The following RASSF9 variants were observed in gnomAD, a reference collection of about 807,000 sequenced individuals.
RASSF9 encodes ras association domain-containing protein 9.
A neutral mutation model predicts 21.4 loss-of-function variants in RASSF9; 18 were observed. The observed-to-expected ratio is 0.84, with a 90% CI of 0.58 to 1.25. RASSF9 has a LOEUF of 1.25. Among genes scored for constraint, RASSF9 ranks in the 50% most tolerant of loss-of-function variants. The pLI is 0.00. For missense variants in RASSF9, 480 were observed against 503.2 expected, an observed-to-expected ratio of 0.95 and a Z score of 0.44; for synonymous variants, 183 against 179.1, an observed-to-expected ratio of 1.02 and a Z score of -0.18.
At chr12:85,810,885 T>C (rs1879938541) in intron 1 of RASSF9, among the ~76,000 whole-genome samples, 1 of 150,700 alleles carries the variant, frequency 6.6e-6, no homozygotes, top group East Asian at 1.9e-4. Context: ...TGCACATATA[T>C]TGCATGTGTA....
intron 1 of RASSF9, among the ~76,000 whole-genome samples, chr12:85,819,526 A>T (rs1362542252): frequency 2.0e-5 from 3 of 152,234 alleles, no homozygotes; most frequent in African/African-American, 7.2e-5. Flanking sequence ...TAAGTGCTTT[A>T]CATGTTCAAA....
At chr12:85,825,297 C>A (rs1880308003) in intron 1 of RASSF9, among the ~76,000 whole-genome samples, 1 of 152,086 alleles carries the variant, frequency 6.6e-6, no homozygotes, top group African/African-American at 2.4e-5. Context: ...CAGTCAAGTC[C>A]TGGGCTAAGT....
chr12:85,809,262 T>C (rs559221837), intron 1 of RASSF9, among the ~76,000 whole-genome samples: 394 of 152,230 alleles, frequency 2.6e-3, no homozygotes, highest in Admixed American at 4.5e-3. Flanking sequence ...ATATGTGGAT[T>C]AATTTGGAAA....
At chr12:85,835,893 G>C (rs1366036287) in intron 1 of RASSF9, among the ~76,000 whole-genome samples, 1 of 152,114 alleles carries the variant, frequency 6.6e-6, no homozygotes, top group Non-Finnish European at 1.5e-5. Context: ...AGGGGAGAAA[G>C]GAGTCAAATA....
rs909577721 is a variant in RASSF9 at position 85,805,140 on chromosome 12, C to T, written c.870G>A (p.Glu290=). The T allele has an allele frequency of 1.9e-6, 3 of 1,613,916 alleles. No individual in the cohort carries two copies. The highest frequency in any genetic ancestry group is 2.5e-6 in the Non-Finnish European group (3 of 1,179,886). ...TTATATCAATGCAAACACTTTTTAC[C>T]TCTTTTTCTATTTCAGCAGAGAGCT... ...IDKLSAEIEK[E]VKSVCIDINE... The change falls in exon 2 of 2, where the codon GAG becomes GAA. Residue 290 remains glutamate, a synonymous_variant. Transcript: ENST00000361228.
intron 1 of RASSF9, among the ~76,000 whole-genome samples, chr12:85,814,608 G>A (rs1880021475): frequency 6.6e-6 from 1 of 151,754 alleles, no homozygotes; most frequent in Admixed American, 6.6e-5. Flanking sequence ...ATCTCAAGTA[G>A]TCTAAAACAT....
intron 1 of RASSF9, among the ~76,000 whole-genome samples, chr12:85,824,618 C>G (rs1053574131): frequency 1.3e-5 from 2 of 152,104 alleles, no homozygotes; most frequent in Non-Finnish European, 2.9e-5. Flanking sequence ...CTCTGTCTCT[C>G]TTTATCCCAC....
intron 1 of RASSF9, among the ~76,000 whole-genome samples, chr12:85,814,181 C>A (rs1424530746): frequency 2.6e-5 from 4 of 151,994 alleles, no homozygotes; most frequent in African/African-American, 9.7e-5. Context: ...CAAAACTGGT[C>A]TTTGTTTCCT....
chr12:85,826,279 G>A (rs191667840), intron 1 of RASSF9, among the ~76,000 whole-genome samples: 1 of 151,978 alleles, frequency 6.6e-6, no homozygotes, highest in South Asian at 2.1e-4. Context: ...ATCTAGTCAC[G>A]AATGGTTCTT....
chr12:85,836,315 C>A lies in RASSF9; in HGVS notation c.-114G>T. 3.9e-6 allele frequency: 6 copies of A among 1,529,928 alleles called. No homozygotes were observed. The highest frequency in any genetic ancestry group is 5.3e-6 in the Non-Finnish European group (6 of 1,136,980). The allele number at this position is 1,529,928 out of a possible 1,614,324, so 94.8% of individuals were successfully genotyped here. On this transcript the variant is annotated 5_prime_UTR_variant, in exon 1 of 2. Transcript: ENST00000361228. ...AGGGCTGGAAGCTTTCTCTTCTCCTCGGATGTTCCTGGCTTTCAGCTCATT... is the reference window on the plus strand; with the variant it reads ...AGGGCTGGAAGCTTTCTCTTCTCCTAGGATGTTCCTGGCTTTCAGCTCATT...
At chr12:85,814,332 G>C (rs1880016529) in intron 1 of RASSF9, among the ~76,000 whole-genome samples, 1 of 151,994 alleles carries the variant, frequency 6.6e-6, no homozygotes, top group South Asian at 2.1e-4. Context: ...GACACACCCT[G>C]TTCCAGATTT....
rs556230743 is a variant in RASSF9 at position 85,805,521 on chromosome 12, T to G, written c.489A>C (p.Lys163Asn). Reference sequence around the variant, plus strand: ...TAATTTTAGCCAGTTTCCGGAAAGTTTTCCTGACTATTCTTTTTTGTTTAT... The same window carrying G: ...TAATTTTAGCCAGTTTCCGGAAAGTGTTCCTGACTATTCTTTTTTGTTTAT... Reference protein sequence around the residue: ...PPDKQKRIVRKTFRKLAKIKQ... With the variant: ...PPDKQKRIVRNTFRKLAKIKQ... The change falls in exon 2 of 2, where the codon AAA becomes AAC. Residue 163 changes from lysine to asparagine, a missense_variant. Lys to Asn is a moderately conservative substitution (Grantham distance 94). Transcript: ENST00000361228. 20 of 1,613,934 alleles carry G rather than the reference T, an allele frequency of 1.2e-5. No individual in the cohort carries two copies. The South Asian group carries it at 2.0e-4, about 16-fold the overall frequency.
At chr12:85,810,590 T>C (rs542523245) in intron 1 of RASSF9, among the ~76,000 whole-genome samples, 6 of 152,138 alleles carry the variant, frequency 3.9e-5, no homozygotes, top group Non-Finnish European at 7.4e-5. Flanking sequence ...TTTCATTTGA[T>C]CACAGCCCCA....
In RASSF9 at chr12:85,804,015, A is replaced by G. The variant is rs1001473487; in HGVS notation, c.*687T>C. On this transcript the variant is annotated 3_prime_UTR_variant, in exon 2 of 2. Coordinates refer to ENST00000361228, the MANE Select transcript of RASSF9 (RefSeq NM_005447.4). ...ATTGCCAGATAGCAAACATCCACAC[A>G]TAGCTCTTAATAAATTGAGGCTTCT... 2.6e-5 allele frequency: 4 copies of G among 152,240 alleles called. No homozygotes were observed. The highest frequency in any genetic ancestry group is 2.0e-4 in the Admixed American group (3 of 15,282). 9.4% of individuals were successfully genotyped at this position (152,240 alleles called of 1,614,324 possible).
chr12:85,805,585 T>G lies in RASSF9; in HGVS notation c.425A>C (p.Glu142Ala). ...KLVQNTEKLW[E>A]LSPANYMKTL... is the part of the protein sequence containing the mutation. ...CTTCATGTAGTTTGCTGGGCTGAGC[T>G]CCCACAATTTTTCTGTGTTTTGCAC... The change falls in exon 2 of 2, where the codon GAG becomes GCG. Residue 142 changes from glutamate (E) to alanine (A), a missense_variant. Transcript: ENST00000361228. 1 of 1,613,930 alleles carries G rather than the reference T, an allele frequency of 6.2e-7. No homozygotes were observed. Among genetic ancestry groups the G allele is most frequent in the Non-Finnish European group, 8.5e-7 (1 of 1,179,892 alleles).
intron 1 of RASSF9, among the ~76,000 whole-genome samples, chr12:85,821,978 T>C (rs1880221822): frequency 6.6e-6 from 1 of 152,174 alleles, no homozygotes; most frequent in Non-Finnish European, 1.5e-5. Flanking sequence ...AAATATCTAA[T>C]CTTGTTGGAA....
chr12:85,816,093 G>A (rs1880057708), intron 1 of RASSF9, among the ~76,000 whole-genome samples: 1 of 151,978 alleles, frequency 6.6e-6, no homozygotes, highest in Admixed American at 6.6e-5. Flanking sequence ...ACTTATAAGA[G>A]GGCGCTAAAT....
At chr12:85,826,732 C>T (rs969865239) in intron 1 of RASSF9, among the ~76,000 whole-genome samples, 48 of 152,052 alleles carry the variant, frequency 3.2e-4, no homozygotes, top group Admixed American at 1.2e-3. Flanking sequence ...CATGAGCCAC[C>T]GCGCCTGGCC....
intron 1 of RASSF9, among the ~76,000 whole-genome samples, chr12:85,817,528 T>C (rs1880101542): frequency 6.6e-6 from 1 of 152,036 alleles, no homozygotes; most frequent in Non-Finnish European, 1.5e-5. Flanking sequence ...GAATAAATGC[T>C]TAAATGTACA....
Sources: gnomAD v4.1 joint callset for allele counts (sites outside exome capture counted in the v4.1 genomes callset) on GRCh38, gnomAD v4.1.1 for gene constraint, MANE v1.5 for transcripts, NCBI Gene and HGNC (gene_info 2026-07-23, HGNC 2026-07-21) for gene names.